Variants in TLK1 observed in about 807,000 individuals in gnomAD.
TLK1 encodes the protein tousled like kinase 1.
TLK1 carries 24 observed loss-of-function variants against 105.3 expected under a neutral mutation model. The ratio of observed to expected loss-of-function variants is 0.23; its 90% CI spans 0.17 to 0.32. The LOEUF (loss-of-function observed/expected upper bound fraction) is 0.32, where lower values mean the gene tolerates loss of function less well. Ranked by LOEUF, TLK1 falls within the 10% of genes least tolerant of loss-of-function variation. The pLI, the probability that TLK1 is intolerant of heterozygous loss-of-function variation, is 1.00. For missense variants in TLK1, 558 were observed against 910.5 expected, an observed-to-expected ratio of 0.61 and a Z score of 4.98; for synonymous variants, 321 against 310.4, an observed-to-expected ratio of 1.03 and a Z score of -0.36.
intron 18 of TLK1, among the ~76,000 whole-genome samples, chr2:171,001,719 G>A (rs532713936): frequency 6.6e-6 from 1 of 152,236 alleles, no homozygotes; most frequent in South Asian, 2.1e-4. Flanking sequence ...ACTTCTGTCT[G>A]CATTAAATTA....
chr2:171,096,234 T>A (rs956190065), intron 2 of TLK1, among the ~76,000 whole-genome samples: 5 of 151,772 alleles, frequency 3.3e-5, no homozygotes, highest in Non-Finnish European at 5.9e-5. Context: ...GCATGGTGGC[T>A]CATGCCTGTA....
At chr2:170,999,128 A>C (rs540082185) in intron 18 of TLK1, among the ~76,000 whole-genome samples, 1 of 152,364 alleles carries the variant, frequency 6.6e-6, no homozygotes, top group East Asian at 1.9e-4. Context: ...TATAAGTAAA[A>C]GATCCATCAC....
In TLK1 at chr2:171,160,456, C is replaced by T. The variant is rs764411926; in HGVS notation, c.-28G>A. The T allele has an allele frequency of 6.3e-7, 1 of 1,583,674 alleles. No individual in the cohort carries two copies. The highest frequency in any genetic ancestry group is 2.5e-5 in the East Asian group (1 of 40,662). ...AGCTACTTTCTGGGAACCCGACTCC[C>T]CCCCTGCGACGGCAGCGGCGGCAAC... On this transcript the variant is annotated 5_prime_UTR_variant, in exon 1 of 21. Coordinates refer to ENST00000431350, the MANE Select transcript of TLK1 (RefSeq NM_012290.5). The surrounding 1 kb of genome is among the most constrained non-coding windows in gnomAD (Gnocchi z 4.4).
At chr2:171,137,436 T>C (rs572054011) in intron 1 of TLK1, among the ~76,000 whole-genome samples, 1 of 152,250 alleles carries the variant, frequency 6.6e-6, no homozygotes, top group East Asian at 1.9e-4. Flanking sequence ...TAAAAAGCCA[T>C]AGCCTTTTCT....
At chr2:171,145,091 T>C (rs772325465) in intron 1 of TLK1, among the ~76,000 whole-genome samples, 7 of 151,996 alleles carry the variant, frequency 4.6e-5, no homozygotes, top group Non-Finnish European at 1.0e-4. Context: ...GGCAGATCAC[T>C]TGAGGCCAGG....
At chr2:171,128,762 A>G (rs990184193) in intron 1 of TLK1, among the ~76,000 whole-genome samples, 1 of 152,128 alleles carries the variant, frequency 6.6e-6, no homozygotes, top group Non-Finnish European at 1.5e-5. Context: ...GTATATATAT[A>G]TACACATACA....
At chr2:171,025,480 C>A (rs914260506) in intron 12 of TLK1, among the ~76,000 whole-genome samples, 1 of 152,128 alleles carries the variant, frequency 6.6e-6, no homozygotes, top group Non-Finnish European at 1.5e-5. Context: ...GTCACCCATG[C>A]TAATGCAAGA....
intron 1 of TLK1, among the ~76,000 whole-genome samples, chr2:171,120,271 A>G (rs1361864834): frequency 6.6e-6 from 1 of 150,750 alleles, no homozygotes; most frequent in Non-Finnish European, 1.5e-5. Flanking sequence ...AAAAAAAAAA[A>G]AGGAAGGAAG....
chr2:171,199,854 G>A (rs1212312426), intron 1 of TLK1, among the ~76,000 whole-genome samples: 1 of 152,172 alleles, frequency 6.6e-6, no homozygotes, highest in Non-Finnish European at 1.5e-5. Context: ...ATACTGGTAA[G>A]CAAATAAACT....
At chr2:171,218,056 ATCCTGGCTAACATGGTGAAACCC>A (rs1693745722) in intron 1 of TLK1, among the ~76,000 whole-genome samples, 1 of 152,186 alleles carries the variant, frequency 6.6e-6, no homozygotes, top group Non-Finnish European at 1.5e-5. Context: ...GATCAAGACC[ATCCTGGCTAACATGGTGAAACCC>A]TGTCTATACT....
chr2:171,191,380 G>A (rs1693146556), intron 1 of TLK1, among the ~76,000 whole-genome samples: 1 of 151,572 alleles, frequency 6.6e-6, no homozygotes, highest in Admixed American at 6.6e-5. Flanking sequence ...ACCAACCTGG[G>A]CAACATGGTG....
chr2:171,162,633 A>G (rs1033427125), upstream of TLK1, among the ~76,000 whole-genome samples: 1 of 152,218 alleles, frequency 6.6e-6, no homozygotes, highest in Non-Finnish European at 1.5e-5. Context: ...TGGTGAATGT[A>G]TCTATCACCC....
chr2:171,132,612 G>A (rs1157817070), intron 1 of TLK1, among the ~76,000 whole-genome samples: 2 of 152,174 alleles, frequency 1.3e-5, no homozygotes, highest in African/African-American at 4.8e-5. Context: ...AAGCCTAAAA[G>A]GGACACTTAC....
chr2:171,189,922 G>A (rs527499786), intron 1 of TLK1, among the ~76,000 whole-genome samples: 8 of 151,782 alleles, frequency 5.3e-5, no homozygotes, highest in South Asian at 2.1e-4. Flanking sequence ...GCGACAGAGC[G>A]AGACCCTGTC....
intron 1 of TLK1, among the ~76,000 whole-genome samples, chr2:171,199,819 T>G (rs900011553): frequency 6.6e-6 from 1 of 152,262 alleles, no homozygotes; most frequent in Non-Finnish European, 1.5e-5. Flanking sequence ...TAATGTTTGA[T>G]GTTTTCATGT....
intron 20 of TLK1, among the ~76,000 whole-genome samples, chr2:170,995,588 G>A (rs1035480264): frequency 1.3e-5 from 2 of 152,152 alleles, no homozygotes; most frequent in African/African-American, 4.8e-5. Context: ...TGTTCTCAAT[G>A]AGGCTACAGA....
intron 14 of TLK1, among the ~76,000 whole-genome samples, chr2:171,007,308 C>G (rs902386590): frequency 1.3e-5 from 2 of 151,702 alleles, no homozygotes; most frequent in African/African-American, 4.8e-5. Flanking sequence ...TTTATAAATG[C>G]CAATATACTG....
intron 1 of TLK1, among the ~76,000 whole-genome samples, chr2:171,212,892 G>GC (rs1693645764): frequency 7.2e-5 from 1 of 13,962 alleles, no homozygotes; most frequent in South Asian, 7.4e-3. Flanking sequence ...AAAGCGTTTT[G>GC]TTTTTTTTTA....
intron 1 of TLK1, among the ~76,000 whole-genome samples, chr2:171,118,089 C>T (rs1575607668): frequency 6.6e-6 from 1 of 152,200 alleles, no homozygotes; most frequent in Non-Finnish European, 1.5e-5. Flanking sequence ...ATATATTTTC[C>T]ATCTAATTTA....
Sources: allele counts gnomAD v4.1 joint callset (sites outside exome capture counted in the v4.1 genomes callset), GRCh38; gene constraint gnomAD v4.1.1; non-coding constraint Gnocchi (gnomAD v3.1); transcripts MANE v1.5; gene names NCBI Gene and HGNC (gene_info 2026-07-23, HGNC 2026-07-21).